The following BABAM2 variants were observed in gnomAD, a reference collection of about 807,000 sequenced individuals.
The protein encoded by BABAM2 is BRISC and BRCA1-A complex member 2.
BABAM2 carries 31 observed loss-of-function variants against 54.7 expected under a neutral mutation model. The ratio of observed to expected loss-of-function variants is 0.57; its 90% CI spans 0.43 to 0.77. The LOEUF is 0.77. Among genes scored for constraint, BABAM2 ranks in the 30% least tolerant of loss-of-function variants. BABAM2 has a pLI of 0.00. For synonymous variants in BABAM2, 167 were observed against 162.9 expected, an observed-to-expected ratio of 1.03 and a Z score of -0.19; for missense variants, 364 against 455.8, an observed-to-expected ratio of 0.80 and a Z score of 1.83.
At chr2:28,071,321 A>G (rs781322031) in intron 6 of BABAM2, among the ~76,000 whole-genome samples, 1 of 152,126 alleles carries the variant, frequency 6.6e-6, no homozygotes, top group Non-Finnish European at 1.5e-5. Flanking sequence ...TGAAGAACTC[A>G]GGTCATTTAC....
At chr2:27,972,404 CTA>C (rs1671282984) in intron 3 of BABAM2, among the ~76,000 whole-genome samples, 1 of 152,166 alleles carries the variant, frequency 6.6e-6, no homozygotes, top group African/African-American at 2.4e-5. Flanking sequence ...AGTGTGGTAT[CTA>C]ATGAGGCAGG....
chr2:28,313,123 G>T (rs1689227564), intron 11 of BABAM2, among the ~76,000 whole-genome samples: 1 of 152,208 alleles, frequency 6.6e-6, no homozygotes, highest in Non-Finnish European at 1.5e-5. Context: ...CTTCCTAGTG[G>T]CTCACCCAGG....
chr2:28,237,977 G>A (rs1232554242), intron 8 of BABAM2, among the ~76,000 whole-genome samples: 1 of 152,106 alleles, frequency 6.6e-6, no homozygotes, highest in Non-Finnish European at 1.5e-5. Flanking sequence ...AGCCTCCTGA[G>A]TAGCTGGGAT....
chr2:28,214,652 T>TG (rs2147997211), intron 7 of BABAM2, among the ~76,000 whole-genome samples: 1 of 152,322 alleles, frequency 6.6e-6, no homozygotes, highest in South Asian at 2.1e-4. Flanking sequence ...AGACAATTCT[T>TG]GCCTTGTTCC....
In BABAM2 at chr2:28,190,428, T is replaced by C. The variant is rs939029381; in HGVS notation, c.681-46774T>C. On this transcript the variant is annotated intron_variant, in intron 7 of 11. Coordinates refer to ENST00000379624, the MANE Select transcript of BABAM2 (RefSeq NM_199191.3). ...TAGGCCAGGTACAGTGGCTCACACC[T>C]GTAATTCTAGCACTTTGGGAGCCCA... Among the ~76,000 whole-genome samples the C allele has an allele frequency of 1.1e-4, 17 of 152,156 alleles. 1 individual carries two copies. The highest frequency in any genetic ancestry group is 2.7e-4 in the African/African-American group (11 of 41,430).
At chr2:27,913,379 T>C (rs1264223801) in intron 2 of BABAM2, among the ~76,000 whole-genome samples, 5 of 152,208 alleles carry the variant, frequency 3.3e-5, no homozygotes, top group Admixed American at 3.3e-4. Context: ...GTCCAGGAGT[T>C]GGCCTTCTTA....
intron 10 of BABAM2, among the ~76,000 whole-genome samples, chr2:28,266,684 C>T (rs561015545): frequency 1.3e-5 from 2 of 152,358 alleles, no homozygotes; most frequent in Non-Finnish European, 2.9e-5. Context: ...TGTCACACGC[C>T]TGGGTCTAAG....
At chr2:28,239,100 C>T (rs558350809) in intron 8 of BABAM2, among the ~76,000 whole-genome samples, 22 of 152,294 alleles carry the variant, frequency 1.4e-4, no homozygotes, top group South Asian at 8.3e-4. Context: ...GTATACAGAA[C>T]TGTTTTCATC....
At chr2:28,052,600 A>T (rs1395260998) in intron 6 of BABAM2, among the ~76,000 whole-genome samples, 1 of 152,036 alleles carries the variant, frequency 6.6e-6, no homozygotes, top group South Asian at 2.1e-4. Flanking sequence ...AATCATAGAG[A>T]AGGTTTCTTA....
At chr2:28,210,658 G>A (rs78458552) in intron 7 of BABAM2, among the ~76,000 whole-genome samples, 2,672 of 152,278 alleles carry the variant, frequency 0.018, 69 homozygotes, top group African/African-American at 0.061. Context: ...TAAAATGCAG[G>A]AGAAAGGAAA....
chr2:27,940,015 T>G lies in BABAM2; in HGVS notation c.205+10107T>G, dbSNP rs377438424. On this transcript the variant is annotated intron_variant, in intron 3 of 11. Coordinates refer to ENST00000379624, the MANE Select transcript of BABAM2 (RefSeq NM_199191.3). ...CCAGTAAAAGAGTTGCCAATTTGTA[T>G]AAGATTCTATTGAAAAATGTTAAAG... Among the ~76,000 whole-genome samples the G allele has an allele frequency of 3.9e-5, 6 of 152,344 alleles. No individual in the cohort carries two copies. In the East Asian group the frequency reaches 5.8e-4, roughly 15 times the overall value.
intron 6 of BABAM2, among the ~76,000 whole-genome samples, chr2:28,112,197 C>CCCTCCCTCCTTCCTTCCTTCCTT (rs1558347424): frequency 3.9e-5 from 1 of 25,488 alleles, no homozygotes. Context: ...CTCCCTCCCT[C>CCCTCCCTCCTTCCTTCCTTCCTT]CCTTCCTTCC....
At chr2:27,907,232 T>C (rs1243294681) in intron 2 of BABAM2, among the ~76,000 whole-genome samples, 4 of 152,130 alleles carry the variant, frequency 2.6e-5, no homozygotes, top group African/African-American at 9.7e-5. Flanking sequence ...ACCTTGCTTC[T>C]CTTGACTTTT....
intron 3 of BABAM2, chr2:27,930,233 TC>T (rs2148351854): frequency 4.9e-6 from 1 of 205,664 alleles, no homozygotes; most frequent in Non-Finnish European, 9.8e-6. Context: ...CCTGGCCATT[TC>T]GAAACAGTTT....
At chr2:28,041,723 C>G (rs891166561) in intron 5 of BABAM2, among the ~76,000 whole-genome samples, 12 of 152,136 alleles carry the variant, frequency 7.9e-5, no homozygotes, top group African/African-American at 2.7e-4. Flanking sequence ...TGTTTCTTAC[C>G]CTCTTTCCAT....
At chr2:28,267,322 T>TC (rs1403415411) in intron 10 of BABAM2, among the ~76,000 whole-genome samples, 2 of 151,976 alleles carry the variant, frequency 1.3e-5, no homozygotes, top group African/African-American at 2.4e-5. Flanking sequence ...ACTAGGAGGA[T>TC]CCCTCCTGGT....
rs150722234 is a variant in BABAM2 at position 28,160,498 on chromosome 2, C to T, written c.680+31118C>T. Among the ~76,000 whole-genome samples the T allele has an allele frequency of 3.1e-3, 471 of 152,298 alleles. 6 individuals are homozygous for T. Among genetic ancestry groups the T allele is most frequent in the African/African-American group, 0.011 (443 of 41,560 alleles). ...ATTTAAGGGAGCCCCCAGAAGTGCA[C>T]GTATGCACAGTCACCACCCACACAT... On this transcript the variant is annotated intron_variant, in intron 7 of 11. Transcript: ENST00000379624.
At chr2:28,257,613 G>A (rs892312953) in intron 10 of BABAM2, among the ~76,000 whole-genome samples, 3 of 152,172 alleles carry the variant, frequency 2.0e-5, no homozygotes, top group African/African-American at 7.2e-5. Flanking sequence ...GCCAGACTCG[G>A]TGGCTCAGGC....
chr2:28,250,575 TA>T (rs1481181844), intron 10 of BABAM2, among the ~76,000 whole-genome samples: 19 of 41,892 alleles, frequency 4.5e-4, no homozygotes, highest in African/African-American at 8.8e-4. Flanking sequence ...CAATCATATA[TA>T]TTTTTTTCTT....
Sources: allele counts gnomAD v4.1 joint callset (sites outside exome capture counted in the v4.1 genomes callset), GRCh38; gene constraint gnomAD v4.1.1; transcripts MANE v1.5; gene names NCBI Gene and HGNC (gene_info 2026-07-23, HGNC 2026-07-21).